Variants in CDH9 observed in about 807,000 individuals in gnomAD.
The protein encoded by CDH9 is cadherin-9.
CDH9 carries 28 observed loss-of-function variants against 70.9 expected under a neutral mutation model. The observed-to-expected ratio is 0.40, with a 90% confidence interval of 0.29 to 0.54. The LOEUF is 0.54. Among genes scored for constraint, CDH9 ranks in the 20% least tolerant of loss-of-function variants. CDH9 has a pLI of 0.59. For synonymous variants in CDH9, 409 were observed against 343.1 expected (o/e 1.19, Z -2.12); for missense variants, 874 against 984.4 (o/e 0.89, Z 1.50).
Position 26,902,599 on chromosome 5 carries a change from A to G in CDH9, c.1130T>C (p.Ile377Thr), listed in dbSNP as rs753378587. Residue 377 changes from isoleucine (I) to threonine (T), a missense_variant, in exon 7 of 12, where the codon ATA (isoleucine) becomes ACA (threonine). Coordinates refer to ENST00000231021, the MANE Select transcript of CDH9 (RefSeq NM_016279.4). ...TAVVKISVED[I>T]DEPPVFTKVS... is the part of the protein sequence containing the mutation. ...TTTAGTGAACACAGGAGGCTCATCT[A>G]TATCTTCCACAGATATTTTGACCAC... The G allele has an allele frequency of 6.2e-6, 10 of 1,604,000 alleles. No homozygotes were observed. Among genetic ancestry groups the G allele is most frequent in the South Asian group, 3.3e-5 (3 of 90,860 alleles).
intron 1 of CDH9, among the ~76,000 whole-genome samples, chr5:27,012,127 C>G (rs1742969520): frequency 6.6e-6 from 1 of 151,910 alleles, no homozygotes; most frequent in Non-Finnish European, 1.5e-5. Flanking sequence ...AGTTTCCTTA[C>G]ATAAAATGGT....
At chr5:26,946,840 T>C (rs1262187928) in intron 2 of CDH9, among the ~76,000 whole-genome samples, 1 of 152,102 alleles carries the variant, frequency 6.6e-6, no homozygotes, top group African/African-American at 2.4e-5. Context: ...CAAAAATAAA[T>C]GACTACCGAA....
intron 3 of CDH9, among the ~76,000 whole-genome samples, chr5:26,915,316 T>C (rs1327682785): frequency 6.6e-6 from 1 of 152,060 alleles, no homozygotes; most frequent in Non-Finnish European, 1.5e-5. Context: ...ATACTATCTA[T>C]TATTCTTTTG....
At chr5:27,007,867 T>G (rs960037687) in intron 1 of CDH9, among the ~76,000 whole-genome samples, 2 of 152,132 alleles carry the variant, frequency 1.3e-5, no homozygotes, top group African/African-American at 4.8e-5. Context: ...TAGTCATAAT[T>G]GAGGAGGACA....
At chr5:26,963,983 C>T (rs915956666) in intron 2 of CDH9, among the ~76,000 whole-genome samples, 1 of 151,930 alleles carries the variant, frequency 6.6e-6, no homozygotes, top group South Asian at 2.1e-4. Context: ...TATGTGAGGT[C>T]CAAGGCAGAT....
chr5:26,969,233 A>T (rs1742177733), intron 2 of CDH9, among the ~76,000 whole-genome samples: 1 of 152,204 alleles, frequency 6.6e-6, no homozygotes, highest in African/African-American at 2.4e-5. Context: ...ATATCTAAGA[A>T]TATATCCGCT....
intron 2 of CDH9, among the ~76,000 whole-genome samples, chr5:26,916,397 C>A (rs1741149923): frequency 6.6e-6 from 1 of 151,916 alleles, no homozygotes; most frequent in Admixed American, 6.6e-5. Context: ...TCCTTCAGTA[C>A]AGAGTATCCC....
intron 7 of CDH9, among the ~76,000 whole-genome samples, chr5:26,894,598 A>G (rs1183775296): frequency 6.6e-6 from 1 of 152,098 alleles, no homozygotes; most frequent in Non-Finnish European, 1.5e-5. Flanking sequence ...AAGCTCAGAG[A>G]TAATTTTCTT....
At chr5:26,991,081 G>A (rs1273518168) in intron 1 of CDH9, among the ~76,000 whole-genome samples, 3 of 152,178 alleles carry the variant, frequency 2.0e-5, no homozygotes, top group African/African-American at 7.2e-5. Flanking sequence ...AGATCAACTG[G>A]TGCAGACTAG....
Position 26,885,658 on chromosome 5 carries a change from G to A in CDH9, c.1838C>T (p.Thr613Met), listed in dbSNP as rs768684659. The change falls in exon 11 of 12, where the codon ACG (threonine) becomes ATG (methionine). Residue 613 changes from threonine to methionine, a missense_variant. Coordinates refer to ENST00000231021, the MANE Select transcript of CDH9 (RefSeq NM_016279.4). The stretch of plus-strand genomic sequence containing the variant: ...GAGTAGAATCGCAACGAGAGCTCCC[G>A]TGCTCAGGCCGGCTGAAAGGATCAG... ...EALILSAGLS[T>M]GALVAILLCV... The A allele has an allele frequency of 9.3e-6, 15 of 1,613,518 alleles. No homozygotes were observed. Among genetic ancestry groups the A allele is most frequent in the African/African-American group, 4.0e-5 (3 of 74,902 alleles).
At chr5:26,889,206 T>C (rs1032886052) in intron 9 of CDH9, among the ~76,000 whole-genome samples, 2 of 142,878 alleles carry the variant, frequency 1.4e-5, no homozygotes, top group African/African-American at 5.1e-5. Flanking sequence ...TTTATGCAGT[T>C]ACTGTTATTG....
chr5:26,895,918 G>A (rs747891761), intron 7 of CDH9, among the ~76,000 whole-genome samples: 2 of 151,930 alleles, frequency 1.3e-5, no homozygotes, highest in African/African-American at 2.4e-5. Context: ...AATTATTGCT[G>A]ATTTTTCTTC....
chr5:26,933,774 G>A (rs568610672), intron 2 of CDH9, among the ~76,000 whole-genome samples: 10 of 143,972 alleles, frequency 6.9e-5, no homozygotes, highest in South Asian at 6.6e-4. Context: ...GCAAGACTCC[G>A]TCAAAATAAA....
intron 1 of CDH9, among the ~76,000 whole-genome samples, chr5:27,006,803 A>G (rs1742872193): frequency 6.6e-6 from 1 of 152,072 alleles, no homozygotes. Context: ...CAAAAAATCT[A>G]TGTATTGTTG....
rs1469515758 is a variant in CDH9 at position 26,881,269 on chromosome 5, A to G, written c.2237T>C (p.Ile746Thr). 9 of 1,613,456 alleles carry G rather than the reference A, an allele frequency of 5.6e-6. No individual in the cohort carries two copies. Among genetic ancestry groups the G allele is most frequent in the Non-Finnish European group, 7.6e-6 (9 of 1,179,496 alleles). ...ATYAYEGNDS[I>T]ADSLSSLESL... ...TTCCAAAGAACTGAGCGAATCTGCTATGGAATCATTCCCTTCATAGGCATA... is the reference window on the plus strand; with the variant it reads ...TTCCAAAGAACTGAGCGAATCTGCTGTGGAATCATTCCCTTCATAGGCATA... The change falls in exon 12 of 12, where the codon ATA (isoleucine) becomes ACA (threonine). Residue 746 changes from isoleucine (I) to threonine (T), a missense_variant. Ile to Thr is a moderately conservative substitution (Grantham distance 89). Coordinates refer to ENST00000231021, the MANE Select transcript of CDH9 (RefSeq NM_016279.4).
In CDH9 at chr5:26,998,733, TA is replaced by T. The variant is rs945486992; in HGVS notation, c.-49-10352del. Among the ~76,000 whole-genome samples, 95 of 144,608 alleles carry T rather than the reference TA, an allele frequency of 6.6e-4. 1 individual carries two copies. Among genetic ancestry groups the T allele is most frequent in the Middle Eastern group, 3.4e-3 (1 of 290 alleles). 94.9% of individuals were successfully genotyped at this position (144,608 alleles called of 152,430 possible). ...TACCCTAAAACTTAAAGTATAATAA[TA>T]AAAAAAAAAGAAAATCAGAGGAAAA... On this transcript the variant is annotated intron_variant, in intron 1 of 11. Transcript: ENST00000231021.
intron 3 of CDH9, among the ~76,000 whole-genome samples, chr5:26,914,167 G>A (rs1429273852): frequency 1.3e-5 from 2 of 151,802 alleles, no homozygotes; most frequent in African/African-American, 4.8e-5. Context: ...GGAAGGATAA[G>A]TGAAAGTTTT....
Position 26,880,991 on chromosome 5 carries a change from T to C in CDH9, c.*145A>G, listed in dbSNP as rs1270687096. ...TATTCATTCACAAAGACTTACTGAT[T>C]AAGCAAATCCCTACTTGACAACATC... On this transcript the variant is annotated 3_prime_UTR_variant, in exon 12 of 12. Coordinates refer to ENST00000231021, the MANE Select transcript of CDH9 (RefSeq NM_016279.4). 1 of 672,320 alleles carries C rather than the reference T, an allele frequency of 1.5e-6. No individual in the cohort carries two copies. Among genetic ancestry groups the C allele is most frequent in the Non-Finnish European group, 2.5e-6 (1 of 404,418 alleles). The allele number at this position is 672,320 out of a possible 1,614,324, so 41.6% of individuals were successfully genotyped here. A position where few individuals can be genotyped will look rare whatever the true frequency, so the allele number is the denominator to read the frequency against.
In CDH9 at chr5:26,906,133, GA is replaced by G; in HGVS notation, c.644-8del. The G allele has an allele frequency of 1.9e-6, 3 of 1,602,344 alleles. No individual in the cohort carries two copies. The highest frequency in any genetic ancestry group is 2.6e-6 in the Non-Finnish European group (3 of 1,175,374). On this transcript the variant is annotated splice_polypyrimidine_tract_variant and splice_region_variant and intron_variant, in intron 4 of 11. Coordinates refer to ENST00000231021, the MANE Select transcript of CDH9 (RefSeq NM_016279.4). ...AATGCAGTTTTTATTATGCCTTTTGGAAAAAGCAGACAAAAGTTTTGCAATT... is the reference window on the plus strand; with the variant it reads ...AATGCAGTTTTTATTATGCCTTTTGGAAAAGCAGACAAAAGTTTTGCAATT...
Sources: allele counts gnomAD v4.1 joint callset (sites outside exome capture counted in the v4.1 genomes callset), GRCh38; gene constraint gnomAD v4.1.1; transcripts MANE v1.5; gene names NCBI Gene and HGNC (gene_info 2026-07-23, HGNC 2026-07-21).